The following MYBPC2 variants were observed in gnomAD, a reference collection of about 807,000 sequenced individuals.
MYBPC2 encodes the protein myosin-binding protein C, fast-type.
In MYBPC2, 122 loss-of-function variants were observed where a neutral mutation model predicts 137.0. The observed-to-expected ratio is 0.89, with a 90% CI of 0.77 to 1.03. The LOEUF (loss-of-function observed/expected upper bound fraction) is 1.03, where lower values mean the gene tolerates loss of function less well. MYBPC2 is among the 50% of genes least tolerant of loss of function. The pLI, the probability that MYBPC2 is intolerant of heterozygous loss-of-function variation, is 0.00. For synonymous variants in MYBPC2, 626 were observed against 612.3 expected (o/e 1.02, Z -0.33); for missense variants, 1,500 against 1,534.4 (o/e 0.98, Z 0.37).
At chr19:50,458,264 C>T (rs2039931672) in intron 20 of MYBPC2, among the ~76,000 whole-genome samples, 1 of 148,432 alleles carries the variant, frequency 6.7e-6, no homozygotes, top group South Asian at 2.1e-4. Flanking sequence ...GAGCCAAGAT[C>T]TTGCCATTGC....
At position 50,451,296 on chromosome 19, in the gene MYBPC2, C is replaced by G. The variant is rs780750776; in HGVS notation, c.1596C>G (p.Tyr532Ter). 1.1e-5 allele frequency: 18 copies of G among 1,613,358 alleles called. No homozygotes were observed. Among genetic ancestry groups the G allele is most frequent in the Non-Finnish European group, 1.4e-5 (17 of 1,179,804 alleles). Residue 532 changes from tyrosine to a stop codon, truncating the protein, a stop_gained, in exon 15 of 28, where the codon TAC becomes TAG. Coordinates refer to ENST00000357701, the MANE Select transcript of MYBPC2 (RefSeq NM_004533.4). LOFTEE classifies it high-confidence loss of function. ...GTCTTGCAGAAATCAAGGTGGAGTA[C>G]GTTCCCAAGCAAGGTGAGCACCACG... ...KLNFLEIKVEYVPKQEPPKIH... is the reference protein window; with the variant it reads ...KLNFLEIKVE
intron 18 of MYBPC2, 46 bp from the exon 19 acceptor site, chr19:50,455,062 C>T: frequency 3.9e-6 from 6 of 1,541,966 alleles, no homozygotes; most frequent in Non-Finnish European, 5.3e-6. Context: ...GACTCATGCC[C>T]CATGCCCTCC....
intron 15 of MYBPC2, among the ~76,000 whole-genome samples, chr19:50,451,544 G>A (rs1356519476): frequency 6.6e-6 from 1 of 150,544 alleles, no homozygotes; most frequent in Admixed American, 6.6e-5. Context: ...AGGTCCTGAG[G>A]GAAGAGGGAT....
At chr19:50,444,271 T>C (rs2039782629) in intron 11 of MYBPC2, among the ~76,000 whole-genome samples, 1 of 138,856 alleles carries the variant, frequency 7.2e-6, no homozygotes, top group Non-Finnish European at 1.5e-5. Context: ...TCCATCTACT[T>C]AACCATCTGT....
chr19:50,433,103 G>A, intron 1 of MYBPC2, 131 bp downstream of exon 1: 1 of 1,183,230 alleles, frequency 8.5e-7, no homozygotes, highest in Non-Finnish European at 1.1e-6. Flanking sequence ...TCCCTTTGCT[G>A]TGCGGGATGG....
chr19:50,458,770 C>A lies in MYBPC2; in HGVS notation c.2506+16C>A. ...GAGATTGCGGGTGCGTGGCCCCTGA[C>A]CCTGCGCTCCGAAAGACCAAGCTGG... On this transcript the variant is annotated intron_variant, in intron 21 of 27. Transcript: ENST00000357701. The A allele has an allele frequency of 7.5e-6, 12 of 1,605,604 alleles. No individual in the cohort carries two copies. Among genetic ancestry groups the A allele is most frequent in the Non-Finnish European group, 1.0e-5 (12 of 1,178,938 alleles).
intron 8 of MYBPC2, among the ~76,000 whole-genome samples, chr19:50,441,467 C>G (rs1245627860): frequency 6.6e-6 from 1 of 152,200 alleles, no homozygotes; most frequent in Non-Finnish European, 1.5e-5. Flanking sequence ...CAGATCTGCC[C>G]TGAGCCGTTG....
chr19:50,438,885 T>C (rs964081734), intron 7 of MYBPC2, among the ~76,000 whole-genome samples: 1 of 151,886 alleles, frequency 6.6e-6, no homozygotes. Flanking sequence ...CCACAAAAAA[T>C]TAAATATCGG....
Position 50,464,650 on chromosome 19 carries a change from GGGA to G in MYBPC2, c.3415+125_3415+127del. Reference sequence around the variant, plus strand: ...TGGAGACGAGTGAGACCAGCCCTCTGGGAGGAGGACTGGGAAGCTGCTGTCCTG... The same window carrying G: ...TGGAGACGAGTGAGACCAGCCCTCTGGGAGGACTGGGAAGCTGCTGTCCTG... On this transcript the variant is annotated intron_variant, in intron 27 of 27. Coordinates refer to ENST00000357701, the MANE Select transcript of MYBPC2 (RefSeq NM_004533.4). The G allele has an allele frequency of 4.2e-6, 5 of 1,183,156 alleles. No homozygotes were observed. In the South Asian group the frequency reaches 6.8e-5, roughly 16 times the overall value. The allele number at this position is 1,183,156 out of a possible 1,614,324, so 73.3% of individuals were successfully genotyped here.
In MYBPC2 at chr19:50,435,219, C is replaced by A; in HGVS notation, c.78C>A (p.Pro26=). The part of the protein sequence containing the change: ...DAPKGAPKEA[P]PKEAPAEAPK... ...CCAAAGGAGCCCCCAAGGAGGCTCC[C>A]CCTAAGGAGGCTCCTGCAGAGGCCC... The change falls in exon 2 of 28, where the codon CCC becomes CCA. Residue 26 remains proline, a synonymous_variant. Coordinates refer to ENST00000357701, the MANE Select transcript of MYBPC2 (RefSeq NM_004533.4). The surrounding 1 kb of genome is among the most constrained non-coding windows in gnomAD (Gnocchi z 4.8). The A allele has an allele frequency of 3.1e-6, 4 of 1,302,624 alleles. No individual in the cohort carries two copies. The highest frequency in any genetic ancestry group is 4.4e-6 in the Non-Finnish European group (4 of 904,240). The allele number at this position is 1,302,624 out of a possible 1,614,324, so 80.7% of individuals were successfully genotyped here. A position where few individuals can be genotyped will look rare whatever the true frequency, so the allele number is the denominator to read the frequency against.
Position 50,432,897 on chromosome 19 carries a change from C to CCCTA in MYBPC2, c.-56_-53dup. 1 of 1,589,452 alleles carries CCCTA rather than the reference C, an allele frequency of 6.3e-7. No individual in the cohort carries two copies. Among genetic ancestry groups the CCCTA allele is most frequent in the Non-Finnish European group, 8.5e-7 (1 of 1,171,306 alleles). ...CTCCCCTTAGGGGCCCACCTGTCCT[C>CCCTA]CCTAGGGCCTAGCGGGACGCGGCTG... is the stretch of plus-strand genomic sequence containing the variant. On this transcript the variant is annotated 5_prime_UTR_variant, in exon 1 of 28. Transcript: ENST00000357701. This position sits in a 1 kb window ranked among gnomAD's most constrained non-coding sequence, Gnocchi z 5.5.
At position 50,453,832 on chromosome 19, in the gene MYBPC2, G is replaced by A. The variant is rs191164755; in HGVS notation, c.1750-188G>A. On this transcript the variant is annotated intron_variant, in intron 16 of 27. Transcript: ENST00000357701. ...TGGGATTACAGGTGTGAGCCACTGC[G>A]CCCCGTCCAGTCTGGTGCTTTTAAT... Among the ~76,000 whole-genome samples, 142 of 152,204 alleles carry A rather than the reference G, an allele frequency of 9.3e-4. 2 individuals carry two copies. Among genetic ancestry groups the A allele is most frequent in the African/African-American group, 3.3e-3 (137 of 41,524 alleles).
At chr19:50,451,418 G>A (rs1428397248) in intron 15 of MYBPC2, 109 bp downstream of exon 15, 1 of 1,240,698 alleles carries the variant, frequency 8.1e-7, no homozygotes, top group South Asian at 1.2e-5. Flanking sequence ...GGATGGGCGG[G>A]GTGCGGGAGG....
chr19:50,446,104 C>G, intron 12 of MYBPC2, 52 bp downstream of exon 12: 1 of 1,571,932 alleles, frequency 6.4e-7, no homozygotes, highest in Non-Finnish European at 8.6e-7. Flanking sequence ...CTTCTCCACA[C>G]AGCTTGAGGT....
chr19:50,451,340 T>C (rs2039855563), intron 15 of MYBPC2, 31 bp downstream of exon 15: 22 of 1,611,094 alleles, frequency 1.4e-5, no homozygotes, highest in Non-Finnish European at 1.9e-5. Context: ...TGGGAGCGGG[T>C]CTGAGGGAGG....
chr19:50,457,265 G>A (rs141331416), intron 20 of MYBPC2, among the ~76,000 whole-genome samples: 1 of 152,124 alleles, frequency 6.6e-6, no homozygotes, highest in Non-Finnish European at 1.5e-5. Context: ...CTGGCCGGCT[G>A]CTCCCACCCT....
intron 1 of MYBPC2, among the ~76,000 whole-genome samples, chr19:50,433,535 T>C (rs960299056): frequency 3.3e-5 from 5 of 151,974 alleles, no homozygotes; most frequent in African/African-American, 1.2e-4. Context: ...TAGCTGGGAT[T>C]ACAGGCCTGC....
In MYBPC2 at chr19:50,458,771, C is replaced by G; in HGVS notation, c.2506+17C>G. The G allele has an allele frequency of 6.2e-7, 1 of 1,605,650 alleles. No homozygotes were observed. The highest frequency in any genetic ancestry group is 8.5e-7 in the Non-Finnish European group (1 of 1,178,946). On this transcript the variant is annotated intron_variant, in intron 21 of 27. Coordinates refer to ENST00000357701, the MANE Select transcript of MYBPC2 (RefSeq NM_004533.4). ...AGATTGCGGGTGCGTGGCCCCTGAC[C>G]CTGCGCTCCGAAAGACCAAGCTGGC...
At chr19:50,444,879 C>CAAAAA (rs34557075) in intron 11 of MYBPC2, among the ~76,000 whole-genome samples, 5 of 67,254 alleles carry the variant, frequency 7.4e-5, no homozygotes, top group Admixed American at 1.7e-4. Flanking sequence ...GACTCCGTCT[C>CAAAAA]AAAAAAAAAA....
Sources: gnomAD v4.1 joint callset for allele counts (sites outside exome capture counted in the v4.1 genomes callset) on GRCh38, gnomAD v4.1.1 for gene constraint, Gnocchi (gnomAD v3.1) non-coding constraint, MANE v1.5 for transcripts, NCBI Gene and HGNC (gene_info 2026-07-23, HGNC 2026-07-21) for gene names.